FAM98A: variants seen among roughly 807,000 people sequenced by gnomAD.
The protein encoded by FAM98A is protein FAM98A.
A neutral mutation model predicts 62.9 loss-of-function variants in FAM98A; 25 were observed. That is an observed-to-expected ratio of 0.40 (90% CI 0.29 to 0.56). The LOEUF (loss-of-function observed/expected upper bound fraction) is 0.56, where lower values mean the gene tolerates loss of function less well. Ranked by LOEUF, FAM98A falls within the 20% of genes least tolerant of loss-of-function variation. The probability of loss-of-function intolerance (pLI) is 0.51; values close to 1 mark genes in which losing one functional copy is unlikely to be tolerated. For missense variants in FAM98A, 653 were observed against 640.7 expected (o/e 1.02, Z -0.21); for synonymous variants, 252 against 228.6 (o/e 1.10, Z -0.92).
At position 33,587,385 on chromosome 2, in the gene FAM98A, TC is replaced by T; in HGVS notation, c.523-66del. On this transcript the variant is annotated intron_variant, in intron 4 of 7. Coordinates refer to ENST00000238823, the MANE Select transcript of FAM98A (RefSeq NM_015475.5). ...AGTAAAACATCCTCATCTTCCCAAT[TC>T]CCATCATATCTTGCCATCAAAAGAA... The T allele has an allele frequency of 2.6e-6, 3 of 1,152,288 alleles. No individual in the cohort carries two copies. In the South Asian group the frequency reaches 3.7e-5, roughly 14 times the overall value. The allele number at this position is 1,152,288 out of a possible 1,614,324, so 71.4% of individuals were successfully genotyped here.
chr2:33,595,398 G>C (rs1357952038), intron 2 of FAM98A, 91 bp downstream of exon 2: 15 of 1,119,466 alleles, frequency 1.3e-5, no homozygotes, highest in Middle Eastern at 2.2e-4. Flanking sequence ...ACAAAAACTT[G>C]CAACTTTCAG....
chr2:33,588,757 C>A (rs1677611891), intron 3 of FAM98A: 1 of 287,272 alleles, frequency 3.5e-6, no homozygotes, highest in Non-Finnish European at 6.4e-6. Flanking sequence ...AAGCGATTCT[C>A]TTTGAAACCG....
At chr2:33,594,818 G>A (rs1677770495) in intron 2 of FAM98A, among the ~76,000 whole-genome samples, 1 of 152,068 alleles carries the variant, frequency 6.6e-6, no homozygotes, top group Admixed American at 6.6e-5. Flanking sequence ...GTTAACAGGT[G>A]AGTATTTTCC....
At chr2:33,595,808 C>T (rs1335497063) in intron 1 of FAM98A, among the ~76,000 whole-genome samples, 171 bp from the exon 2 acceptor site, 5 of 151,944 alleles carry the variant, frequency 3.3e-5, no homozygotes, top group Non-Finnish European at 1.5e-5. Flanking sequence ...TATACTGAAC[C>T]ATTACAAAAA....
chr2:33,588,129 T>C (rs1178856946), intron 4 of FAM98A: 3 of 579,874 alleles, frequency 5.2e-6, no homozygotes, highest in Non-Finnish European at 9.5e-6. Flanking sequence ...AAAAGAAACA[T>C]GCTAACATGT....
rs746340295 is a variant in FAM98A at position 33,599,202 on chromosome 2, T to G, written c.20A>C (p.Glu7Ala). Residue 7 changes from glutamate (E) to alanine (A), a missense_variant, in exon 1 of 8, where the codon GAG (glutamate) becomes GCG (alanine). Physicochemically the swap from Glu to Ala is moderately radical, Grantham distance 107. Transcript: ENST00000238823. ...TTCCAACGACTCCAAGATGTCAGTC[T>G]CCATGAGGTCACACTCCATGCTACT... The part of the protein sequence containing the change: MECDLM[E>A]TDILESLEDL... 1 of 1,614,004 alleles carries G rather than the reference T, an allele frequency of 6.2e-7. No homozygotes were observed. Among genetic ancestry groups the G allele is most frequent in the Non-Finnish European group, 8.5e-7 (1 of 1,179,880 alleles).
intron 4 of FAM98A, chr2:33,588,096 C>T (rs1558548072): frequency 3.9e-6 from 2 of 508,506 alleles, no homozygotes; most frequent in Non-Finnish European, 7.4e-6. Flanking sequence ...AGCTTACAAA[C>T]CAGTGTAAAG....
Position 33,586,530 on chromosome 2 carries a change from T to C in FAM98A, c.720+32A>G, listed in dbSNP as rs369303305. On this transcript the variant is annotated intron_variant, in intron 6 of 7. Coordinates refer to ENST00000238823, the MANE Select transcript of FAM98A (RefSeq NM_015475.5). ...GATGTTCAGGGATCATGTCTATAAA[T>C]AGTCTGCTCTTTTAAATTATTTAAT... 2.2e-5 allele frequency: 30 copies of C among 1,360,978 alleles called. No homozygotes were observed. In the African/African-American group the frequency reaches 2.9e-4, roughly 13 times the overall value. The allele number at this position is 1,360,978 out of a possible 1,614,324, so 84.3% of individuals were successfully genotyped here.
intron 1 of FAM98A, among the ~76,000 whole-genome samples, chr2:33,595,978 C>A (rs1159443046): frequency 2.0e-5 from 3 of 152,048 alleles, no homozygotes; most frequent in Non-Finnish European, 4.4e-5. Context: ...GTATTAAAAG[C>A]AAATTAACAA....
At chr2:33,586,449 C>G (rs935625) in intron 6 of FAM98A, 113 bp downstream of exon 6, 300,741 of 623,552 alleles carry the variant, frequency 0.48, 74,678 homozygotes, top group Admixed American at 0.57. Context: ...AGGAAAAATC[C>G]CTATGTGTGT....
intron 2 of FAM98A, among the ~76,000 whole-genome samples, chr2:33,594,638 CACAT>C (rs1348226266): frequency 1.7e-5 from 2 of 118,496 alleles, no homozygotes; most frequent in Non-Finnish European, 3.3e-5. Context: ...CATATATATA[CACAT>C]ATATATATAC....
At chr2:33,597,634 C>T (rs1677843375) in intron 1 of FAM98A, among the ~76,000 whole-genome samples, 1 of 152,116 alleles carries the variant, frequency 6.6e-6, no homozygotes, top group South Asian at 2.1e-4. Context: ...GCATCCGTGG[C>T]CAATTCTTAA....
chr2:33,593,526 A>G (rs74973796), intron 2 of FAM98A, among the ~76,000 whole-genome samples: 1 of 152,340 alleles, frequency 6.6e-6, no homozygotes, highest in South Asian at 2.1e-4. Flanking sequence ...CACAGCATAT[A>G]AAAAAAGGTA....
Position 33,588,458 on chromosome 2 carries a change from T to A in FAM98A, c.399A>T (p.Lys133Asn). 6.2e-7 allele frequency: 1 copy of A among 1,613,260 alleles called. No homozygotes were observed. ...CCTCACTACCGCCTCCTTCTTGAGC[T>A]TTTTTTGGAGGAGCATTCACACAGA... is the stretch of plus-strand genomic sequence containing the variant. ...RMLCVNAPPK[K>N]AQEGGGSEVF... Residue 133 changes from lysine (K) to asparagine (N), a missense_variant, in exon 4 of 8, where the codon AAA becomes AAT. Physicochemically the swap from Lys to Asn is moderately conservative, Grantham distance 94. Transcript: ENST00000238823.
chr2:33,594,562 TA>T lies in FAM98A; in HGVS notation c.202+926del, dbSNP rs1465133060. On this transcript the variant is annotated intron_variant, in intron 2 of 7. Coordinates refer to ENST00000238823, the MANE Select transcript of FAM98A (RefSeq NM_015475.5). Reference sequence around the variant, plus strand: ...AAAAAAAAAAAAAAAAAAAAAAAATTATATATATATATATACACACACACAC... The same window carrying T: ...AAAAAAAAAAAAAAAAAAAAAAAATTTATATATATATATACACACACACAC... Among the ~76,000 whole-genome samples, 17 of 10,584 alleles carry T rather than the reference TA, an allele frequency of 1.6e-3. 4 individuals are homozygous for T. The highest frequency in any genetic ancestry group is 0.015 in the African/African-American group (16 of 1,044). 6.9% of individuals were successfully genotyped at this position (10,584 alleles called of 152,430 possible).
chr2:33,593,859 G>C (rs1677730101), intron 2 of FAM98A, among the ~76,000 whole-genome samples: 1 of 152,134 alleles, frequency 6.6e-6, no homozygotes, highest in Non-Finnish European at 1.5e-5. Flanking sequence ...TCTGTATCAT[G>C]TTTCATTTGA....
rs1677505647 is a variant in FAM98A, at chr2:33,585,032, C to T, written c.1301G>A (p.Gly434Glu). The T allele has an allele frequency of 6.2e-7, 1 of 1,614,100 alleles. No homozygotes were observed. Among genetic ancestry groups the T allele is most frequent in the African/African-American group, 1.3e-5 (1 of 75,018 alleles). Residue 434 changes from glycine to glutamate, a missense_variant, in exon 8 of 8, where the codon GGA (glycine) becomes GAA (glutamate). Gly to Glu is a moderately conservative substitution (Grantham distance 98). Coordinates refer to ENST00000238823, the MANE Select transcript of FAM98A (RefSeq NM_015475.5). Reference sequence around the variant, plus strand: ...GTAGCCACCACCCTGGTATCCACTTCCTGTATATGAAGAAGATGTTTGGAA... The same window carrying T: ...GTAGCCACCACCCTGGTATCCACTTTCTGTATATGAAGAAGATGTTTGGAA... ...GGFQTSSSYT[G>E]SGYQGGGYQQ...
intron 1 of FAM98A, 78 bp downstream of exon 1, chr2:33,599,091 C>G: frequency 1.6e-6 from 2 of 1,249,680 alleles, no homozygotes; most frequent in Non-Finnish European, 2.4e-6. Flanking sequence ...AGGCAGGTGT[C>G]TCAGACTGGG....
At position 33,592,029 on chromosome 2, in the gene FAM98A, G is replaced by T. The variant is rs533182270; in HGVS notation, c.337+51C>A. ...AAACCATGGTCAGTTTATTAGTCAT[G>T]GAAAACATAAACAGAAAGTAATAGC... On this transcript the variant is annotated intron_variant, in intron 3 of 7. Transcript: ENST00000238823. 10 of 1,491,566 alleles carry T rather than the reference G, an allele frequency of 6.7e-6. No individual in the cohort carries two copies. The African/African-American group carries it at 9.8e-5, about 15-fold the overall frequency. The allele number at this position is 1,491,566 out of a possible 1,614,324, so 92.4% of individuals were successfully genotyped here.
Sources: allele counts gnomAD v4.1 joint callset (sites outside exome capture counted in the v4.1 genomes callset), GRCh38; gene constraint gnomAD v4.1.1; transcripts MANE v1.5; gene names NCBI Gene and HGNC (gene_info 2026-07-23, HGNC 2026-07-21).